Variants in ARHGAP32 observed in about 807,000 individuals in gnomAD.
ARHGAP32 encodes the protein Rho GTPase activating protein 32, also known as rho GTPase-activating protein 32.
A neutral mutation model predicts 186.5 loss-of-function variants in ARHGAP32; 51 were observed. The ratio of observed to expected loss-of-function variants is 0.27; its 90% CI spans 0.22 to 0.35. The LOEUF (loss-of-function observed/expected upper bound fraction) is 0.35, where lower values mean the gene tolerates loss of function less well. Ranked by LOEUF, ARHGAP32 falls within the 10% of genes least tolerant of loss-of-function variation. The pLI is 1.00. For synonymous variants in ARHGAP32, 950 were observed against 964.3 expected, an observed-to-expected ratio of 0.99 and a Z score of 0.27; for missense variants, 2,186 against 2,623.5, an observed-to-expected ratio of 0.83 and a Z score of 3.64.
chr11:128,975,931 T>G (rs1945529973), intron 20 of ARHGAP32, among the ~76,000 whole-genome samples: 1 of 151,850 alleles, frequency 6.6e-6, no homozygotes, highest in African/African-American at 2.4e-5. Context: ...AAAATTATGC[T>G]CCCGGGCATG....
intron 6 of ARHGAP32, among the ~76,000 whole-genome samples, chr11:129,078,241 T>A: frequency 6.6e-6 from 1 of 151,918 alleles, no homozygotes; most frequent in East Asian, 1.9e-4. Context: ...GGAAGCCCCA[T>A]CCCTAGGGGA....
At chr11:129,072,566 G>A (rs2135182017) in intron 6 of ARHGAP32, among the ~76,000 whole-genome samples, 1 of 152,242 alleles carries the variant, frequency 6.6e-6, no homozygotes, top group South Asian at 2.1e-4. Context: ...CCAAATTAGA[G>A]GCAGACAGGT....
At chr11:129,046,723 T>A (rs12281677) in intron 10 of ARHGAP32, among the ~76,000 whole-genome samples, 4,230 of 152,176 alleles carry the variant, frequency 0.028, 121 homozygotes, top group African/African-American at 0.071. Context: ...TTGGAAACAG[T>A]AGAGTTAACA....
At chr11:128,977,655 A>T (rs1296906931) in intron 19 of ARHGAP32, among the ~76,000 whole-genome samples, 1 of 151,970 alleles carries the variant, frequency 6.6e-6, no homozygotes, top group East Asian at 1.9e-4. Flanking sequence ...GACAATTCCT[A>T]CCACAACTGT....
chr11:129,135,146 T>C (rs1942906327), intron 2 of ARHGAP32, among the ~76,000 whole-genome samples: 2 of 152,180 alleles, frequency 1.3e-5, no homozygotes, highest in South Asian at 4.1e-4. Flanking sequence ...CCCAATATTA[T>C]CTGTAGACTT....
At chr11:129,104,230 AG>A (rs1377432323) in intron 5 of ARHGAP32, among the ~76,000 whole-genome samples, 4 of 152,166 alleles carry the variant, frequency 2.6e-5, no homozygotes, top group Non-Finnish European at 5.9e-5. Flanking sequence ...CTGAGAAGTA[AG>A]GTAGAAATAT....
Position 128,986,126 on chromosome 11 carries a change from T to C in ARHGAP32, c.1444-41A>G, listed in dbSNP as rs772038195. ...TACAAAATAAACTAGTGAGCTCTGT[T>C]AGTAAAAATGAAAGTTCACTTACAA... On this transcript the variant is annotated intron_variant, in intron 14 of 22. Transcript: ENST00000682385. The C allele has an allele frequency of 3.4e-6, 5 of 1,463,916 alleles. No homozygotes were observed. The South Asian group carries it at 6.2e-5, about 18-fold the overall frequency. The allele number at this position is 1,463,916 out of a possible 1,614,324, so 90.7% of individuals were successfully genotyped here.
chr11:129,060,382 T>TA (rs1555082407), intron 10 of ARHGAP32, among the ~76,000 whole-genome samples: 39 of 143,996 alleles, frequency 2.7e-4, no homozygotes, highest in African/African-American at 3.2e-4. Flanking sequence ...GATAGATAGA[T>TA]AAGATAGACA....
Position 128,971,003 on chromosome 11 carries a change from C to A in ARHGAP32, c.4210G>T (p.Ala1404Ser), listed in dbSNP as rs1425998805. 1.2e-6 allele frequency: 2 copies of A among 1,613,584 alleles called. No homozygotes were observed. Among genetic ancestry groups the A allele is most frequent in the Admixed American group, 1.7e-5 (1 of 60,000 alleles). ...CGCAGGTGCAGCAGCGGGACCCGGG[C>A]ACCGTCCCGCACTTTCTCAGGCAGG... ...PGLPEKVRDG[A>S]RVPLLHLRAE... The change falls in exon 23 of 23, where the codon GCC becomes TCC. Residue 1404 changes from alanine (A) to serine (S), a missense_variant. By Grantham distance (99) the Ala-to-Ser change is moderately conservative. Coordinates refer to ENST00000682385, the MANE Select transcript of ARHGAP32 (RefSeq NM_001378024.1).
At chr11:129,152,955 T>C (rs1943321556) in intron 2 of ARHGAP32, among the ~76,000 whole-genome samples, 1 of 152,152 alleles carries the variant, frequency 6.6e-6, no homozygotes. Context: ...TGTCGCTGTT[T>C]GCTGATGATA....
chr11:128,993,550 A>T (rs1216326049), intron 12 of ARHGAP32, among the ~76,000 whole-genome samples: 3 of 151,900 alleles, frequency 2.0e-5, no homozygotes, highest in African/African-American at 7.2e-5. Context: ...ATTTTATTCT[A>T]ATTATTTTAG....
Position 128,971,097 on chromosome 11 carries a change from C to T in ARHGAP32, c.4116G>A (p.Ala1372=), listed in dbSNP as rs773365931. Residue 1372 remains alanine, a synonymous_variant, in exon 23 of 23, where the codon GCG becomes GCA. Transcript: ENST00000682385. ...PPEPRAMDDP[A]SAFISDSGAA... ...CACCACTGTCACTGATGAAGGCAGACGCAGGGTCATCCATGGCTCGAGGTT... is the reference window on the plus strand; with the variant it reads ...CACCACTGTCACTGATGAAGGCAGATGCAGGGTCATCCATGGCTCGAGGTT... 1.5e-5 allele frequency: 25 copies of T among 1,614,078 alleles called. No individual in the cohort carries two copies. The highest frequency in any genetic ancestry group is 1.6e-4 in the Middle Eastern group (1 of 6,084).
In ARHGAP32 at chr11:129,242,475, T is replaced by G. The variant is rs1395682821; in HGVS notation, c.-5+36671A>C. Among the ~76,000 whole-genome samples the G allele has an allele frequency of 2.0e-5, 3 of 152,118 alleles. No individual in the cohort carries two copies. In the East Asian group the frequency reaches 5.8e-4, roughly 29 times the overall value. On this transcript the variant is annotated intron_variant, in intron 1 of 6. Coordinates refer to the ARHGAP32 transcript ENST00000525234. ...GGCTCACTCCTGTAATCCCAGCACT[T>G]TGGGAGGCCAAGGCAGGCAGATCAC...
At chr11:129,063,295 A>G (rs1940576137) in intron 9 of ARHGAP32, among the ~76,000 whole-genome samples, 1 of 152,192 alleles carries the variant, frequency 6.6e-6, no homozygotes. Flanking sequence ...GTAAAAAGTT[A>G]TACTGTTATT....
At chr11:129,165,747 T>C (rs918902789) in intron 1 of ARHGAP32, among the ~76,000 whole-genome samples, 2 of 150,924 alleles carry the variant, frequency 1.3e-5, no homozygotes, top group African/African-American at 4.9e-5. Context: ...ACCCCTAGCC[T>C]AGTAATAATA....
At chr11:128,985,411 G>C (rs1945836076) in intron 15 of ARHGAP32, among the ~76,000 whole-genome samples, 1 of 152,094 alleles carries the variant, frequency 6.6e-6, no homozygotes, top group African/African-American at 2.4e-5. Context: ...AACATCCGCT[G>C]AGTTTAATTT....
chr11:129,219,067 T>A (rs1944681154), intron 1 of ARHGAP32, among the ~76,000 whole-genome samples: 2 of 152,184 alleles, frequency 1.3e-5, no homozygotes, highest in South Asian at 4.1e-4. Flanking sequence ...CCACCCTACA[T>A]CAACCAGCCA....
intron 3 of ARHGAP32, 92 bp downstream of exon 3, chr11:129,124,711 G>C (rs1172293906): frequency 1.7e-5 from 17 of 980,408 alleles, no homozygotes; most frequent in Non-Finnish European, 2.5e-5. Flanking sequence ...GCATATTTTT[G>C]TAAAAAGTCT....
At chr11:129,106,594 G>A (rs1942054931) in intron 5 of ARHGAP32, among the ~76,000 whole-genome samples, 1 of 151,920 alleles carries the variant, frequency 6.6e-6, no homozygotes, top group Non-Finnish European at 1.5e-5. Flanking sequence ...CGTGGGTGAT[G>A]GGATTACTTG....
Sources: gnomAD v4.1 joint callset for allele counts (sites outside exome capture counted in the v4.1 genomes callset) on GRCh38, gnomAD v4.1.1 for gene constraint, MANE v1.5 for transcripts, NCBI Gene and HGNC (gene_info 2026-07-23, HGNC 2026-07-21) for gene names.